The following SYNJ1 variants were observed in gnomAD, a reference collection of about 807,000 sequenced individuals.
SYNJ1 encodes the protein polyphosphatidylinositol phosphatase SYNJ1.
Under a neutral mutation model 168.2 loss-of-function variants are expected in SYNJ1, and 78 were observed. The ratio of observed to expected loss-of-function variants is 0.46; its 90% CI spans 0.39 to 0.56. The LOEUF (loss-of-function observed/expected upper bound fraction) is 0.56. Among genes scored for constraint, SYNJ1 ranks in the 20% least tolerant of loss-of-function variants. SYNJ1 has a pLI of 0.00. For missense variants in SYNJ1, 1,303 were observed against 1,597.6 expected, an observed-to-expected ratio of 0.82 and a Z score of 3.14; for synonymous variants, 539 against 548.6, an observed-to-expected ratio of 0.98 and a Z score of 0.24.
Position 32,727,956 on chromosome 21 carries a change from G to A in SYNJ1, c.-33C>T, listed in dbSNP as rs1417267333. The A allele has an allele frequency of 4.6e-6, 7 of 1,533,726 alleles. No homozygotes were observed. The East Asian group carries it at 1.2e-4, about 27-fold the overall frequency. On this transcript the variant is annotated 5_prime_UTR_variant, in exon 1 of 33. Transcript: ENST00000674351. ...CGCCGGCTTGCTCACCTCTTCCTCC[G>A]GCTCCTCCTCCTCCTTCTCCCGCAG...
intron 10 of SYNJ1, among the ~76,000 whole-genome samples, chr21:32,682,120 A>T (rs1260865668): frequency 6.6e-6 from 1 of 152,224 alleles, no homozygotes; most frequent in Admixed American, 6.5e-5. Flanking sequence ...GAAAATAAGT[A>T]AAACTTCTGA....
intron 31 of SYNJ1, among the ~76,000 whole-genome samples, chr21:32,638,102 C>T (rs943313837): frequency 6.6e-6 from 1 of 152,098 alleles, no homozygotes; most frequent in African/African-American, 2.4e-5. Context: ...CAGGGTCTCA[C>T]TGTGTCACCA....
Position 32,715,777 on chromosome 21 carries a change from TAA to T in SYNJ1, c.124+10993_124+10994del, listed in dbSNP as rs561208969. On this transcript the variant is annotated intron_variant, in intron 2 of 32. Transcript: ENST00000674351. ...AGAAATATTTAATGTTTTGAGACAA[TAA>T]AGTTTTTTTTTAATTTTTTTCTTTT... is the stretch of plus-strand genomic sequence containing the variant. Among the ~76,000 whole-genome samples the T allele has an allele frequency of 3.8e-4, 58 of 152,264 alleles. 1 individual carries two copies. In the South Asian group the frequency reaches 0.012, roughly 32 times the overall value.
At chr21:32,635,291 G>A (rs1300503650) in intron 31 of SYNJ1, among the ~76,000 whole-genome samples, 2 of 152,310 alleles carry the variant, frequency 1.3e-5, no homozygotes, top group East Asian at 3.9e-4. Flanking sequence ...GGTAATTAGA[G>A]TTAGATGAGG....
chr21:32,685,232 GCTCA>G (rs2031224792), intron 9 of SYNJ1, among the ~76,000 whole-genome samples: 1 of 150,396 alleles, frequency 6.6e-6, no homozygotes, highest in Non-Finnish European at 1.5e-5. Flanking sequence ...CATAAAATGC[GCTCA>G]CTAATGTAAC....
intron 13 of SYNJ1, among the ~76,000 whole-genome samples, chr21:32,675,970 A>G (rs1370721822): frequency 6.6e-6 from 1 of 152,232 alleles, no homozygotes; most frequent in African/African-American, 2.4e-5. Flanking sequence ...AAATTAATTC[A>G]AAGTAGTTAC....
chr21:32,721,301 A>T (rs2043211414), intron 2 of SYNJ1, among the ~76,000 whole-genome samples: 1 of 152,266 alleles, frequency 6.6e-6, no homozygotes, highest in Admixed American at 6.5e-5. Flanking sequence ...ACTGTTATCT[A>T]AGGGTAAGAA....
chr21:32,653,055 C>G (rs2040331488), intron 22 of SYNJ1, among the ~76,000 whole-genome samples: 1 of 152,214 alleles, frequency 6.6e-6, no homozygotes, highest in Non-Finnish European at 1.5e-5. Flanking sequence ...AGGTGCTAAA[C>G]ATGTTTCCTT....
Position 32,645,658 on chromosome 21 carries a change from G to T in SYNJ1, c.3379C>A (p.Pro1127Thr). The T allele has an allele frequency of 6.5e-7, 1 of 1,531,530 alleles. No individual in the cohort carries two copies. 94.9% of individuals were successfully genotyped at this position (1,531,530 alleles called of 1,614,324 possible). Residue 1127 changes from proline (P) to threonine (T), a missense_variant, in exon 25 of 33, where the codon CCT (proline) becomes ACT (threonine). Around this residue, in one of 2 missense-constraint regions of SYNJ1, gnomAD observed 383 missense variants for 388.8 expected, o/e 0.99. Coordinates refer to ENST00000674351, the MANE Select transcript of SYNJ1 (RefSeq NM_203446.3). ...AAAAGGTTGTCACCTGAAGGCGGAGGAGGTCTCTGTGGGGGAGCCGGGCGT... is the reference window on the plus strand; with the variant it reads ...AAAAGGTTGTCACCTGAAGGCGGAGTAGGTCTCTGTGGGGGAGCCGGGCGT... Reference protein sequence around the residue: ...PTRPAPPQRPPPPSGARSPAP... With the variant: ...PTRPAPPQRPTPPSGARSPAP...
chr21:32,632,437 G>A (rs907715296), intron 32 of SYNJ1, among the ~76,000 whole-genome samples: 1 of 151,100 alleles, frequency 6.6e-6, no homozygotes, highest in Non-Finnish European at 1.5e-5. Context: ...CCAGGCTGGA[G>A]TGCAATGGCA....
intron 21 of SYNJ1, 82 bp downstream of exon 21, chr21:32,656,605 C>T: frequency 8.1e-7 from 1 of 1,237,924 alleles, no homozygotes; most frequent in Admixed American, 2.7e-5. Flanking sequence ...TTAAAATTCT[C>T]TCCTTCCCCA....
chr21:32,727,975 CCCGCAGCCGCCG>C lies in SYNJ1; in HGVS notation c.-64_-53del, dbSNP rs1427487040. 3 of 1,535,106 alleles carry C rather than the reference CCCGCAGCCGCCG, an allele frequency of 2.0e-6. No individual in the cohort carries two copies. The highest frequency in any genetic ancestry group is 2.6e-6 in the Non-Finnish European group (3 of 1,146,082). On this transcript the variant is annotated 5_prime_UTR_variant, in exon 1 of 33. Coordinates refer to ENST00000674351, the MANE Select transcript of SYNJ1 (RefSeq NM_203446.3). ...TCCTCCGGCTCCTCCTCCTCCTTCT[CCCGCAGCCGCCG>C]CCACAGCCGCCGGGAGCGTCACTTC...
At chr21:32,718,969 A>C (rs891099509) in intron 2 of SYNJ1, among the ~76,000 whole-genome samples, 2 of 152,222 alleles carry the variant, frequency 1.3e-5, no homozygotes, top group Non-Finnish European at 2.9e-5. Context: ...ATGGTAATAC[A>C]ATAGCCTCAC....
Position 32,681,501 on chromosome 21 carries a change from C to T in SYNJ1, c.1348G>A (p.Ala450Thr), listed in dbSNP as rs1171410546. Reference sequence around the variant, plus strand: ...TATGATAGATCTAGATATACCTTCGCTTTCCCTTCAAGAGCTCCAGTTCCT... The same window carrying T: ...TATGATAGATCTAGATATACCTTCGTTTTCCCTTCAAGAGCTCCAGTTCCT... ...YAGTGALEGK[A>T]KLKDGARSVT... Residue 450 changes from alanine to threonine, a missense_variant, in exon 11 of 33, where the codon GCG (alanine) becomes ACG (threonine). Transcript: ENST00000674351. 3 of 1,611,680 alleles carry T rather than the reference C, an allele frequency of 1.9e-6. No individual in the cohort carries two copies. Among genetic ancestry groups the T allele is most frequent in the African/African-American group, 1.3e-5 (1 of 74,854 alleles).
intron 31 of SYNJ1, 76 bp from the exon 32 acceptor site, chr21:32,634,960 C>T: frequency 1.3e-6 from 2 of 1,489,146 alleles, no homozygotes; most frequent in East Asian, 2.3e-5. Flanking sequence ...CCTAACAATT[C>T]AGTCAACAAA....
intron 12 of SYNJ1, among the ~76,000 whole-genome samples, chr21:32,677,031 T>C (rs533399040): frequency 5.3e-5 from 8 of 152,298 alleles, no homozygotes; most frequent in African/African-American, 1.7e-4. Context: ...TTGAATGAAG[T>C]TGGCTTGTAG....
intron 21 of SYNJ1, 49 bp downstream of exon 21, chr21:32,656,638 A>T: frequency 6.7e-7 from 1 of 1,490,782 alleles, no homozygotes; most frequent in Non-Finnish European, 9.1e-7. Context: ...TCTATATAGA[A>T]ATGATTGTTT....
At chr21:32,676,247 T>C in intron 13 of SYNJ1, 85 bp downstream of exon 13, 1 of 1,085,336 alleles carries the variant, frequency 9.2e-7, no homozygotes, top group South Asian at 1.8e-5. Flanking sequence ...TTTCCAATTA[T>C]ATGGCTTTAT....
At chr21:32,672,401 G>A (rs1663071519) in intron 14 of SYNJ1, among the ~76,000 whole-genome samples, 1 of 151,020 alleles carries the variant, frequency 6.6e-6, no homozygotes, top group Admixed American at 6.6e-5. Flanking sequence ...ATGCAGTGGT[G>A]GGATCTCCGC....
Sources: allele counts gnomAD v4.1 joint callset (sites outside exome capture counted in the v4.1 genomes callset), GRCh38; gene constraint gnomAD v4.1.1; regional missense constraint gnomAD v4.1.1; transcripts MANE v1.5; gene names NCBI Gene and HGNC (gene_info 2026-07-23, HGNC 2026-07-21).